Variants in CDC42BPA observed in about 807,000 individuals in gnomAD.
CDC42BPA encodes serine/threonine-protein kinase MRCK alpha.
In CDC42BPA, 80 loss-of-function variants were observed where a neutral mutation model predicts 223.5. The ratio of observed to expected loss-of-function variants is 0.36; its 90% CI spans 0.30 to 0.43. CDC42BPA has a LOEUF of 0.43. CDC42BPA is among the 20% of genes least tolerant of loss of function. The pLI is 1.00. For synonymous variants in CDC42BPA, 694 were observed against 718.6 expected (o/e 0.97, Z 0.55); for missense variants, 1,743 against 2,099.9 (o/e 0.83, Z 3.32).
chr1:227,071,860 A>G (rs1482302580), intron 20 of CDC42BPA, among the ~76,000 whole-genome samples: 1 of 151,768 alleles, frequency 6.6e-6, no homozygotes, highest in Non-Finnish European at 1.5e-5. Context: ...TGAGAATATT[A>G]TAAAGTACAT....
chr1:227,206,056 A>G (rs997216592), intron 3 of CDC42BPA, among the ~76,000 whole-genome samples: 1 of 152,186 alleles, frequency 6.6e-6, no homozygotes, highest in Non-Finnish European at 1.5e-5. Flanking sequence ...TCAATAAATA[A>G]AATGTTTTTA....
At chr1:227,250,468 AC>A (rs1681778125) in intron 2 of CDC42BPA, among the ~76,000 whole-genome samples, 1 of 152,182 alleles carries the variant, frequency 6.6e-6, no homozygotes, top group Non-Finnish European at 1.5e-5. Context: ...AGCCTGGGCG[AC>A]AAGAGCAAAA....
intron 16 of CDC42BPA, among the ~76,000 whole-genome samples, chr1:227,087,790 GTATT>G (rs1682280529): frequency 6.6e-6 from 1 of 152,144 alleles, no homozygotes. Context: ...TTGCTTTTTA[GTATT>G]TTTTTAGAAG....
intron 1 of CDC42BPA, among the ~76,000 whole-genome samples, chr1:227,285,957 C>T (rs1233535740): frequency 6.6e-6 from 1 of 152,214 alleles, no homozygotes; most frequent in Non-Finnish European, 1.5e-5. Flanking sequence ...GGCCTGGCCC[C>T]TTGAAACCAT....
rs12563361 is a variant in CDC42BPA, at chr1:227,100,566, A to G, written c.2249+426T>C. On this transcript the variant is annotated intron_variant, in intron 15 of 36. Coordinates refer to ENST00000366766, the MANE Select transcript of CDC42BPA (RefSeq NM_001394014.1). ...CCTCCCTAGCTACTTCTTTCTTACT[A>G]ATTATATCTCAGCTTAGAAGTTTAT... is the stretch of plus-strand genomic sequence containing the variant. Among the ~76,000 whole-genome samples the G allele has an allele frequency of 2.7e-3, 414 of 151,824 alleles. 12 individuals are homozygous for G. The East Asian group carries it at 0.052, about 19-fold the overall frequency.
At chr1:227,106,818 T>C (rs2458522) in intron 14 of CDC42BPA, among the ~76,000 whole-genome samples, 11,458 of 152,080 alleles carry the variant, frequency 0.075, 608 homozygotes, top group East Asian at 0.25. Context: ...CTGTAGAAAC[T>C]ATTCTTTCCC....
intron 24 of CDC42BPA, among the ~76,000 whole-genome samples, chr1:227,039,319 T>TA (rs373434759): frequency 6.6e-5 from 10 of 151,328 alleles, no homozygotes; most frequent in African/African-American, 1.7e-4. Context: ...GAGCTTATGC[T>TA]AAAAAAAAAG....
At chr1:227,032,206 G>T (rs1669414997) in intron 27 of CDC42BPA, among the ~76,000 whole-genome samples, 1 of 152,120 alleles carries the variant, frequency 6.6e-6, no homozygotes, top group Non-Finnish European at 1.5e-5. Flanking sequence ...TTACCTATAT[G>T]AATTCCTTAT....
rs765459724 is a variant in CDC42BPA, at chr1:227,119,827, G to C, written c.1624C>G (p.Gln542Glu). 1 of 1,586,514 alleles carries C rather than the reference G, an allele frequency of 6.3e-7. No homozygotes were observed. The highest frequency in any genetic ancestry group is 1.3e-5 in the African/African-American group (1 of 74,170). Residue 542 changes from glutamine (Q) to glutamate (E), a missense_variant, in exon 12 of 37, where the codon CAA becomes GAA. Coordinates refer to ENST00000366766, the MANE Select transcript of CDC42BPA (RefSeq NM_001394014.1). Reference protein sequence around the residue: ...AYEKQIKTLQQEREDLNKELV... With the variant: ...AYEKQIKTLQEEREDLNKELV... ...ACCTTATTTAGATCTTCTCTTTCTT[G>C]TTGTAACGTTTTGATTTGTTTTTCA... is the stretch of plus-strand genomic sequence containing the variant.
intron 1 of CDC42BPA, among the ~76,000 whole-genome samples, chr1:227,280,577 T>C (rs1038264237): frequency 2.6e-5 from 4 of 152,218 alleles, no homozygotes; most frequent in African/African-American, 9.6e-5. Flanking sequence ...ACTATATGCA[T>C]CCGCATATCC....
chr1:227,081,251 T>A (rs1258726288), intron 16 of CDC42BPA, among the ~76,000 whole-genome samples: 1 of 152,094 alleles, frequency 6.6e-6, no homozygotes, highest in African/African-American at 2.4e-5. Context: ...TCTACTTGGC[T>A]TAAGAATTGC....
chr1:227,017,022 T>G lies in CDC42BPA; in HGVS notation c.4644A>C (p.Thr1548=). 1 of 1,612,928 alleles carries G rather than the reference T, an allele frequency of 6.2e-7. No individual in the cohort carries two copies. Among genetic ancestry groups the G allele is most frequent in the South Asian group, 1.1e-5 (1 of 90,898 alleles). The change falls in exon 33 of 37, where the codon ACA becomes ACC. Residue 1548 remains threonine (T), a synonymous_variant. Coordinates refer to ENST00000366766, the MANE Select transcript of CDC42BPA (RefSeq NM_001394014.1). ...CCATTTGTTTCCGACTATTATCTGA[T>G]GTTTCAGGTACTACCAGTTCGTCCC... is the stretch of plus-strand genomic sequence containing the variant. The part of the protein sequence containing the change: ...AEGDELVVPE[T]SDNSRKQMVR...
chr1:227,010,356 CATTAAT>C (rs1333459630), intron 34 of CDC42BPA, among the ~76,000 whole-genome samples: 3 of 152,144 alleles, frequency 2.0e-5, no homozygotes, highest in Admixed American at 6.5e-5. Context: ...TTTTGTTACT[CATTAAT>C]ATTAATTTTT....
In CDC42BPA at chr1:227,254,169, G is replaced by A; in HGVS notation, c.179-14C>T. 1 of 1,271,412 alleles carries A rather than the reference G, an allele frequency of 7.9e-7. No homozygotes were observed. The highest frequency in any genetic ancestry group is 1.1e-6 in the Non-Finnish European group (1 of 889,412). 78.8% of individuals were successfully genotyped at this position (1,271,412 alleles called of 1,614,324 possible). On this transcript the variant is annotated splice_polypyrimidine_tract_variant and intron_variant, in intron 1 of 36. Coordinates refer to ENST00000366766, the MANE Select transcript of CDC42BPA (RefSeq NM_001394014.1). ...TAAATGGTTTAGCTGAAATGAAAGAGCAATATCAATTATTTTCTTAATAAA... is the reference window on the plus strand; with the variant it reads ...TAAATGGTTTAGCTGAAATGAAAGAACAATATCAATTATTTTCTTAATAAA...
At position 227,028,887 on chromosome 1, in the gene CDC42BPA, C is replaced by T. The variant is rs1668740670; in HGVS notation, c.4202G>A (p.Gly1401Glu). 6.2e-7 allele frequency: 1 copy of T among 1,613,572 alleles called. No individual in the cohort carries two copies. Among genetic ancestry groups the T allele is most frequent in the African/African-American group, 1.3e-5 (1 of 74,924 alleles). ...SEQLCVGFQS[G>E]FLRYPLNGEG... The stretch of plus-strand genomic sequence containing the variant: ...TCCATTCAAGGGGTATCTTAGAAAT[C>T]CTGACTGGAATCCCACACAGAGTTG... The change falls in exon 30 of 37, where the codon GGA becomes GAA. Residue 1401 changes from glycine to glutamate, a missense_variant. By Grantham distance (98) the Gly-to-Glu change is moderately conservative. Coordinates refer to ENST00000366766, the MANE Select transcript of CDC42BPA (RefSeq NM_001394014.1).
intron 2 of CDC42BPA, among the ~76,000 whole-genome samples, chr1:227,234,077 TG>T (rs1341543749): frequency 2.6e-5 from 4 of 152,128 alleles, no homozygotes; most frequent in African/African-American, 9.7e-5. Context: ...GCAACAGTGG[TG>T]GAGGTGGGTT....
At chr1:227,083,491 T>C (rs1572698343) in intron 16 of CDC42BPA, among the ~76,000 whole-genome samples, 1 of 152,200 alleles carries the variant, frequency 6.6e-6, no homozygotes, top group Non-Finnish European at 1.5e-5. Flanking sequence ...AATTTCATAC[T>C]GCGAACTCCT....
chr1:227,012,931 A>G (rs1665501063), intron 34 of CDC42BPA, among the ~76,000 whole-genome samples: 1 of 152,122 alleles, frequency 6.6e-6, no homozygotes, highest in African/African-American at 2.4e-5. Flanking sequence ...TGCTCAATAA[A>G]TATTTGTTAG....
intron 2 of CDC42BPA, among the ~76,000 whole-genome samples, chr1:227,253,277 CGT>C (rs1682415163): frequency 1.8e-5 from 2 of 113,070 alleles, no homozygotes; most frequent in East Asian, 2.9e-4. Context: ...AGCGCGCGCG[CGT>C]GCGCGTGCAT....
Sources: gnomAD v4.1 joint callset for allele counts (sites outside exome capture counted in the v4.1 genomes callset) on GRCh38, gnomAD v4.1.1 for gene constraint, MANE v1.5 for transcripts, NCBI Gene and HGNC (gene_info 2026-07-23, HGNC 2026-07-21) for gene names.